Variants in UGT2A1 observed in about 807,000 individuals in gnomAD.
UGT2A1 encodes the protein UDP-glucuronosyltransferase 2A1.
In UGT2A1, 61 loss-of-function variants were observed where a neutral mutation model predicts 45.4. The observed-to-expected ratio is 1.34, with a 90% CI of 1.09 to 1.66. The LOEUF (loss-of-function observed/expected upper bound fraction) is 1.66, where lower values mean the gene tolerates loss of function less well. Ranked by LOEUF, UGT2A1 falls within the 40% of genes most tolerant of loss-of-function variation. UGT2A1 has a pLI of 0.00. For synonymous variants in UGT2A1, 229 were observed against 196.2 expected, an observed-to-expected ratio of 1.17 and a Z score of -1.40; for missense variants, 649 against 574.3, an observed-to-expected ratio of 1.13 and a Z score of -1.33.
At chr4:69,593,981 G>T (rs2033799) in intron 6 of UGT2A1, among the ~76,000 whole-genome samples, 78,131 of 131,490 alleles carry the variant, frequency 0.59, 23,569 homozygotes, top group East Asian at 0.72. Flanking sequence ...TTTTTTGTTT[G>T]TTTTTTTTTT....
intron 3 of UGT2A1, among the ~76,000 whole-genome samples, chr4:69,629,144 C>G (rs1721249477): frequency 6.6e-6 from 1 of 151,926 alleles, no homozygotes; most frequent in Non-Finnish European, 1.5e-5. Context: ...TTTGCAGATT[C>G]AGTGATATTC....
chr4:69,649,112 G>C (rs1345913514), intron 1 of UGT2A1, among the ~76,000 whole-genome samples: 2 of 152,004 alleles, frequency 1.3e-5, no homozygotes, highest in Non-Finnish European at 2.9e-5. Context: ...TCCTTTTCAT[G>C]TTAATAAATC....
At chr4:69,598,076 C>T (rs140000986) in intron 4 of UGT2A1, among the ~76,000 whole-genome samples, 58 of 152,120 alleles carry the variant, frequency 3.8e-4, no homozygotes, top group African/African-American at 1.3e-3. Flanking sequence ...CCTATGGATA[C>T]GTCATGAATA....
intron 3 of UGT2A1, among the ~76,000 whole-genome samples, chr4:69,624,692 C>T (rs188970651): frequency 6.9e-4 from 104 of 151,318 alleles, no homozygotes; most frequent in Admixed American, 1.7e-3. Context: ...AACAACTTTA[C>T]GACAGTATAC....
intron 3 of UGT2A1, among the ~76,000 whole-genome samples, chr4:69,621,173 T>C (rs1280973154): frequency 6.6e-6 from 1 of 152,024 alleles, no homozygotes; most frequent in East Asian, 1.9e-4. Flanking sequence ...ACTTAAGAGC[T>C]TCTGCACAGC....
chr4:69,614,082 A>C (rs1189706498), intron 3 of UGT2A1, among the ~76,000 whole-genome samples: 1 of 145,550 alleles, frequency 6.9e-6, no homozygotes. Flanking sequence ...GAAAAACCTA[A>C]CAACCTCACC....
intron 3 of UGT2A1, among the ~76,000 whole-genome samples, chr4:69,618,209 G>T (rs796937906): frequency 8.1e-5 from 9 of 110,462 alleles, no homozygotes; most frequent in South Asian, 3.1e-4. Context: ...GTGTGTGTGT[G>T]TGTGTGTATG....
At chr4:69,607,831 A>G (rs1287520548) in intron 3 of UGT2A1, among the ~76,000 whole-genome samples, 1 of 152,222 alleles carries the variant, frequency 6.6e-6, no homozygotes, top group African/African-American at 2.4e-5. Context: ...GCTCATCATC[A>G]CTGGCCATCA....
At chr4:69,621,832 A>G (rs988031945) in intron 3 of UGT2A1, among the ~76,000 whole-genome samples, 2 of 151,912 alleles carry the variant, frequency 1.3e-5, no homozygotes, top group Admixed American at 1.3e-4. Flanking sequence ...TAAAAAGGAA[A>G]GAGAACATGT....
chr4:69,634,785 T>G (rs2109961428), intron 3 of UGT2A1, among the ~76,000 whole-genome samples: 1 of 152,316 alleles, frequency 6.6e-6, no homozygotes, highest in East Asian at 1.9e-4. Flanking sequence ...AAGAGATATC[T>G]AAAATTAGCC....
intron 2 of UGT2A1, among the ~76,000 whole-genome samples, chr4:69,636,271 A>G (rs187302090): frequency 2.0e-5 from 3 of 152,324 alleles, no homozygotes; most frequent in African/African-American, 7.2e-5. Flanking sequence ...GCGGTCAAAC[A>G]TAATTACGTA....
At chr4:69,618,210 T>TAC (rs1483314140) in intron 3 of UGT2A1, among the ~76,000 whole-genome samples, 4 of 78,426 alleles carry the variant, frequency 5.1e-5, no homozygotes, top group African/African-American at 2.6e-4. Context: ...TGTGTGTGTG[T>TAC]GTGTGTATGT....
intron 2 of UGT2A1, chr4:69,639,091 G>A (rs766135364): frequency 1.2e-6 from 2 of 1,613,456 alleles, no homozygotes; most frequent in Non-Finnish European, 1.7e-6. Context: ...GTTGATGCTG[G>A]AGAGAACCTC....
At chr4:69,644,062 T>C (rs1722151396) in intron 2 of UGT2A1, among the ~76,000 whole-genome samples, 2 of 151,804 alleles carry the variant, frequency 1.3e-5, no homozygotes, top group South Asian at 2.1e-4. Context: ...TAAGTAGTCA[T>C]TCTAAGTCAG....
At chr4:69,596,281 A>T in intron 4 of UGT2A1, 3 of 1,606,824 alleles carry the variant, frequency 1.9e-6, no homozygotes, top group Non-Finnish European at 2.6e-6. Context: ...GGCTGAGGCA[A>T]TAAGATTGGC....
chr4:69,626,551 T>C (rs1220575944), intron 3 of UGT2A1, among the ~76,000 whole-genome samples: 1 of 151,640 alleles, frequency 6.6e-6, no homozygotes, highest in Non-Finnish European at 1.5e-5. Flanking sequence ...TACTGGGTGA[T>C]GGGATTATTC....
At chr4:69,625,748 A>C (rs1721019404) in intron 3 of UGT2A1, among the ~76,000 whole-genome samples, 1 of 151,560 alleles carries the variant, frequency 6.6e-6, no homozygotes, top group Non-Finnish European at 1.5e-5. Flanking sequence ...AACTGCTAAA[A>C]AGTCTAAAGA....
chr4:69,627,880 T>TA (rs973918615), intron 3 of UGT2A1, among the ~76,000 whole-genome samples: 2 of 151,982 alleles, frequency 1.3e-5, no homozygotes, highest in African/African-American at 2.4e-5. Context: ...AGAATGGAGA[T>TA]AAAAAATACT....
chr4:69,629,488 A>G (rs780783341), intron 3 of UGT2A1, among the ~76,000 whole-genome samples: 49 of 152,052 alleles, frequency 3.2e-4, no homozygotes, highest in South Asian at 2.1e-4. Flanking sequence ...TATGTTATCA[A>G]TGTGATTTAC....
Sources: allele counts gnomAD v4.1 joint callset (sites outside exome capture counted in the v4.1 genomes callset), GRCh38; gene constraint gnomAD v4.1.1; transcripts MANE v1.5; gene names NCBI Gene and HGNC (gene_info 2026-07-23, HGNC 2026-07-21).